Variants in RIMS1 observed in about 807,000 individuals in gnomAD.
The protein encoded by RIMS1 is regulating synaptic membrane exocytosis 1.
RIMS1 carries 83 observed loss-of-function variants against 214.1 expected under a neutral mutation model. That is an observed-to-expected ratio of 0.39 (90% confidence interval 0.32 to 0.47). The LOEUF is 0.47. Ranked by LOEUF, RIMS1 falls within the 20% of genes least tolerant of loss-of-function variation. The pLI is 0.99. For missense variants in RIMS1, 2,050 were observed against 2,161.8 expected (o/e 0.95, Z 1.03); for synonymous variants, 793 against 786.8 (o/e 1.01, Z -0.13).
chr6:72,161,611 G>T (rs4530822), intron 4 of RIMS1, among the ~76,000 whole-genome samples: 133,518 of 137,254 alleles, frequency 0.97, 65,242 homozygotes, highest in East Asian at 1. Flanking sequence ...TGGTTTCAAA[G>T]AACATCTTTA....
intron 2 of RIMS1, among the ~76,000 whole-genome samples, chr6:71,970,598 A>G: frequency 6.6e-6 from 1 of 152,194 alleles, no homozygotes; most frequent in South Asian, 2.1e-4. Context: ...TCACTTTCAC[A>G]GTTGTAGAAA....
At chr6:71,945,774 A>G (rs1787627550) in intron 1 of RIMS1, among the ~76,000 whole-genome samples, 2 of 141,364 alleles carry the variant, frequency 1.4e-5, no homozygotes, top group African/African-American at 2.7e-5. Flanking sequence ...TTGGAGATGG[A>G]GTTTCACTCT....
intron 29 of RIMS1, among the ~76,000 whole-genome samples, chr6:72,378,466 C>T (rs1426621740): frequency 1.3e-5 from 2 of 152,172 alleles, no homozygotes; most frequent in African/African-American, 2.4e-5. Flanking sequence ...TTGTGCAGTA[C>T]AGTCATTTCC....
At position 72,292,037 on chromosome 6, in the gene RIMS1, A is replaced by G. The variant is rs1029001833; in HGVS notation, c.3841A>G (p.Ile1281Val). The change falls in exon 26 of 34, where the codon ATA becomes GTA. Residue 1281 changes from isoleucine to valine, a missense_variant. Physicochemically the swap from Ile to Val is conservative, Grantham distance 29. Coordinates refer to ENST00000521978, the MANE Select transcript of RIMS1 (RefSeq NM_014989.7). ...ACAAGTGCCAGTGAGAAGCGGCAGT[A>G]TAGAACAAGGTATCCGATAAAGAGA... ...LPQVPVRSGS[I>V]EQASLVVEER... The G allele has an allele frequency of 6.4e-7, 1 of 1,552,658 alleles. No individual in the cohort carries two copies. The highest frequency in any genetic ancestry group is 8.7e-7 in the Non-Finnish European group (1 of 1,146,958).
chr6:71,931,074 T>C (rs79416170), intron 1 of RIMS1, among the ~76,000 whole-genome samples: 3,202 of 152,192 alleles, frequency 0.021, 98 homozygotes, highest in African/African-American at 0.071. Flanking sequence ...ATAACTGCTA[T>C]TTAAAACACC....
chr6:71,917,280 T>C (rs530114012), intron 1 of RIMS1, among the ~76,000 whole-genome samples: 1 of 152,186 alleles, frequency 6.6e-6, no homozygotes, highest in African/African-American at 2.4e-5. Flanking sequence ...GGAGGCAGAA[T>C]AAAGGGATAG....
chr6:72,077,049 T>C (rs1254489194), intron 2 of RIMS1, among the ~76,000 whole-genome samples: 1 of 152,190 alleles, frequency 6.6e-6, no homozygotes, highest in African/African-American at 2.4e-5. Context: ...CTCTGCCTCG[T>C]CTGCCCTGAC....
intron 6 of RIMS1, among the ~76,000 whole-genome samples, chr6:72,206,174 A>G (rs752141511): frequency 2.0e-5 from 3 of 152,174 alleles, no homozygotes; most frequent in Non-Finnish European, 4.4e-5. Context: ...ATGCATTCTT[A>G]AAGACCGATC....
chr6:71,966,084 T>C (rs1794366047), intron 1 of RIMS1, among the ~76,000 whole-genome samples: 1 of 152,228 alleles, frequency 6.6e-6, no homozygotes, highest in South Asian at 2.1e-4. Flanking sequence ...AATTCAATTA[T>C]AATTTTAAAG....
chr6:71,892,648 T>C (rs938306353), intron 1 of RIMS1, among the ~76,000 whole-genome samples: 4 of 152,130 alleles, frequency 2.6e-5, no homozygotes. Flanking sequence ...TAACCATGAG[T>C]TATCTTTGTT....
At chr6:72,061,035 A>G (rs1827709406) in intron 2 of RIMS1, among the ~76,000 whole-genome samples, 1 of 152,192 alleles carries the variant, frequency 6.6e-6, no homozygotes, top group South Asian at 2.1e-4. Context: ...TAAATGATAG[A>G]TGTGTGTATT....
At chr6:72,108,574 C>T (rs1164594673) in intron 4 of RIMS1, among the ~76,000 whole-genome samples, 1 of 152,006 alleles carries the variant, frequency 6.6e-6, no homozygotes, top group African/African-American at 2.4e-5. Flanking sequence ...AAAAGACTAT[C>T]CTCCTGCCCT....
At chr6:71,962,631 T>C (rs574834187) in intron 1 of RIMS1, among the ~76,000 whole-genome samples, 5 of 152,298 alleles carry the variant, frequency 3.3e-5, no homozygotes, top group Admixed American at 1.3e-4. Context: ...TCACGTTCAT[T>C]TGTTCACTGA....
chr6:72,394,266 T>C (rs2098747889), intron 31 of RIMS1, among the ~76,000 whole-genome samples: 1 of 152,080 alleles, frequency 6.6e-6, no homozygotes, highest in Non-Finnish European at 1.5e-5. Context: ...ACTAGTGAGG[T>C]CTTCATAAAA....
intron 1 of RIMS1, among the ~76,000 whole-genome samples, chr6:71,966,379 GA>G (rs755124085): frequency 6.6e-5 from 10 of 152,052 alleles, no homozygotes; most frequent in Non-Finnish European, 1.3e-4. Flanking sequence ...TCAAAAAATT[GA>G]ATGAAGTTTT....
intron 8 of RIMS1, among the ~76,000 whole-genome samples, chr6:72,237,179 G>A (rs1197027335): frequency 6.6e-6 from 1 of 150,604 alleles, no homozygotes; most frequent in Non-Finnish European, 1.5e-5. Context: ...ACACTCCTCT[G>A]TGGGTGACAG....
intron 6 of RIMS1, chr6:72,213,326 T>C (rs1376662472): frequency 2.8e-6 from 3 of 1,070,330 alleles, no homozygotes; most frequent in Non-Finnish European, 3.9e-6. Context: ...AATATTTCTA[T>C]TCTCTGTGTG....
In RIMS1 at chr6:72,006,479, G is replaced by A. The variant is rs552113889; in HGVS notation, c.245+37416G>A. 8.5e-5 allele frequency among the ~76,000 whole-genome samples: 13 copies of A among 152,268 alleles called. No homozygotes were observed. In the East Asian group the frequency reaches 2.3e-3, roughly 27 times the overall value. ...TCTACTGGGGAGTGTTGGAAAGTGG[G>A]TGCAGGACAGTGGGTGCAGTGCACC... On this transcript the variant is annotated intron_variant, in intron 2 of 33. Transcript: ENST00000521978.
At chr6:72,262,830 C>G (rs1041081194) in intron 19 of RIMS1, 17 of 711,514 alleles carry the variant, frequency 2.4e-5, no homozygotes, top group Non-Finnish European at 2.9e-5. Context: ...TCACTTAGGA[C>G]TTATAAAAAT....
Sources: allele counts gnomAD v4.1 joint callset (sites outside exome capture counted in the v4.1 genomes callset), GRCh38; gene constraint gnomAD v4.1.1; transcripts MANE v1.5; gene names NCBI Gene and HGNC (gene_info 2026-07-23, HGNC 2026-07-21).